POLN: variants seen among roughly 807,000 people sequenced by gnomAD.
POLN encodes DNA polymerase N.
In POLN, 108 loss-of-function variants were observed where a neutral mutation model predicts 113.5. That is an observed-to-expected ratio of 0.95 (90% CI 0.81 to 1.12). The LOEUF is 1.12. Ranked by LOEUF, POLN falls within the 50% of genes most tolerant of loss-of-function variation. POLN has a pLI of 0.00. For synonymous variants in POLN, 386 were observed against 391.5 expected (o/e 0.99, Z 0.17); for missense variants, 1,097 against 1,077.1 (o/e 1.02, Z -0.26).
intron 13 of POLN, among the ~76,000 whole-genome samples, chr4:2,161,299 G>A (rs899602632): frequency 8.5e-5 from 13 of 152,204 alleles, no homozygotes; most frequent in Admixed American, 7.9e-4. Flanking sequence ...CCGGGGCTGC[G>A]CGGGGCGCTT....
chr4:2,162,070 G>C (rs1046499733), intron 13 of POLN, among the ~76,000 whole-genome samples: 2 of 152,158 alleles, frequency 1.3e-5, no homozygotes, highest in Non-Finnish European at 2.9e-5. Context: ...CCAGATAAGA[G>C]AATAAAAGCA....
chr4:2,096,776 T>TGTTTTGTG (rs1730807720), intron 19 of POLN, among the ~76,000 whole-genome samples: 1 of 152,016 alleles, frequency 6.6e-6, no homozygotes, highest in South Asian at 2.1e-4. Flanking sequence ...TCTCCCAATC[T>TGTTTTGTG]GTTTTGTGGA....
At chr4:2,087,286 A>T (rs1432708696) in intron 20 of POLN, among the ~76,000 whole-genome samples, 1 of 152,236 alleles carries the variant, frequency 6.6e-6, no homozygotes, top group Non-Finnish European at 1.5e-5. Flanking sequence ...GTTTTGCTAC[A>T]CTTTGCTGAA....
intron 5 of POLN, 77 bp from the exon 6 acceptor site, chr4:2,198,794 A>G: frequency 1.5e-6 from 2 of 1,346,772 alleles, no homozygotes; most frequent in Non-Finnish European, 2.0e-6. Context: ...AAAATTAAGC[A>G]GAGAGAAAGA....
intron 16 of POLN, among the ~76,000 whole-genome samples, chr4:2,134,151 G>A (rs10005947): frequency 0.011 from 1,684 of 152,258 alleles, 33 homozygotes; most frequent in African/African-American, 0.038. Flanking sequence ...TTGGCAATAT[G>A]AATTTAAGAT....
At chr4:2,200,874 T>C (rs1733692883) in intron 5 of POLN, among the ~76,000 whole-genome samples, 1 of 152,074 alleles carries the variant, frequency 6.6e-6, no homozygotes, top group African/African-American at 2.4e-5. Flanking sequence ...AAATCCCTGA[T>C]TTACCTGAAA....
At chr4:2,191,474 G>A (rs1733438393) in intron 7 of POLN, among the ~76,000 whole-genome samples, 1 of 152,100 alleles carries the variant, frequency 6.6e-6, no homozygotes, top group Non-Finnish European at 1.5e-5. Flanking sequence ...TTTCAAAATA[G>A]CTAGTAAAGG....
chr4:2,102,010 A>G (rs1321861000), intron 19 of POLN, among the ~76,000 whole-genome samples: 1 of 152,086 alleles, frequency 6.6e-6, no homozygotes, highest in African/African-American at 2.4e-5. Flanking sequence ...GGGGTGTGAG[A>G]GGGACACAAG....
At chr4:2,210,522 A>G (rs1490670813) in intron 4 of POLN, among the ~76,000 whole-genome samples, 3 of 151,138 alleles carry the variant, frequency 2.0e-5, no homozygotes, top group African/African-American at 7.3e-5. Flanking sequence ...TCAAGGCTAC[A>G]GTGAGCCGTG....
At position 2,229,218 on chromosome 4, in the gene POLN, T is replaced by C; in HGVS notation, c.14A>G (p.Glu5Gly). The change falls in exon 3 of 26, where the codon GAG (glutamate) becomes GGG (glycine). Residue 5 changes from glutamate to glycine, a missense_variant. Physicochemically the swap from Glu to Gly is moderately conservative, Grantham distance 98. Transcript: ENST00000511885. ...ACAGAGATCAAAGCCTACCAATGCC[T>C]CATAATTTTCCATTTTCACAAAATC... MENY[E>G]ALVGFDLCNT... The C allele has an allele frequency of 6.3e-7, 1 of 1,598,428 alleles. No individual in the cohort carries two copies. The highest frequency in any genetic ancestry group is 8.5e-7 in the Non-Finnish European group (1 of 1,173,540).
intron 19 of POLN, among the ~76,000 whole-genome samples, chr4:2,111,664 C>A (rs1286853135): frequency 1.3e-5 from 2 of 152,122 alleles, no homozygotes; most frequent in African/African-American, 2.4e-5. Context: ...AACAAAATAC[C>A]TAGGAATCCA....
chr4:2,225,803 C>A (rs891583593), intron 3 of POLN, among the ~76,000 whole-genome samples: 1 of 151,830 alleles, frequency 6.6e-6, no homozygotes, highest in African/African-American at 2.4e-5. Flanking sequence ...GAGTTTGAGA[C>A]CAGCCTGGGC....
chr4:2,082,742 T>C (rs1467610051), intron 21 of POLN: 1 of 152,224 alleles, frequency 6.6e-6, no homozygotes, highest in Non-Finnish European at 1.5e-5. Flanking sequence ...CGAGAGATCT[T>C]CTGCTCTGAC....
At chr4:2,181,561 C>A (rs1242531198) in intron 7 of POLN, among the ~76,000 whole-genome samples, 1 of 151,366 alleles carries the variant, frequency 6.6e-6, no homozygotes, top group African/African-American at 2.4e-5. Context: ...AAAATGGATT[C>A]TGGATAAAAA....
At chr4:2,142,063 C>A (rs905777983) in intron 16 of POLN, among the ~76,000 whole-genome samples, 1 of 152,238 alleles carries the variant, frequency 6.6e-6, no homozygotes, top group African/African-American at 2.4e-5. Flanking sequence ...TCTCTTGCAT[C>A]CTCTCTACTC....
At chr4:2,220,682 C>A (rs188024784) in intron 3 of POLN, among the ~76,000 whole-genome samples, 260 of 152,320 alleles carry the variant, frequency 1.7e-3, no homozygotes, top group Non-Finnish European at 3.1e-3. Context: ...CTGGTAGCTA[C>A]TCCTGCTAGT....
chr4:2,081,666 C>T lies in POLN; in HGVS notation c.2275G>A (p.Ala759Thr). ...ACGAAGTTCACTGCCTGTCGCTCTG[C>T]TTGTGCCCGGAGTTGCTGGTCATGA... ...HAHDQQLRAQAERQAVNFVVQ... is the reference protein window; with the variant it reads ...HAHDQQLRAQTERQAVNFVVQ... The change falls in exon 22 of 26, where the codon GCA becomes ACA. Residue 759 changes from alanine (A) to threonine (T), a missense_variant. By Grantham distance (58) the Ala-to-Thr change is moderately conservative. Coordinates refer to ENST00000511885, the MANE Select transcript of POLN (RefSeq NM_181808.4). The T allele has an allele frequency of 1.2e-6, 2 of 1,614,228 alleles. No homozygotes were observed. Among genetic ancestry groups the T allele is most frequent in the Non-Finnish European group, 1.7e-6 (2 of 1,180,038 alleles).
chr4:2,183,487 T>C (rs1577749119), intron 7 of POLN, among the ~76,000 whole-genome samples: 1 of 152,220 alleles, frequency 6.6e-6, no homozygotes, highest in African/African-American at 2.4e-5. Context: ...ACAACTTGAA[T>C]GAACCTTTAA....
chr4:2,170,969 G>A (rs1168244251), intron 12 of POLN, 129 bp downstream of exon 12: 2 of 925,764 alleles, frequency 2.2e-6, no homozygotes, highest in Non-Finnish European at 1.6e-6. Context: ...TTCATTACTT[G>A]TGAGAGAACA....
Sources: allele counts gnomAD v4.1 joint callset (sites outside exome capture counted in the v4.1 genomes callset), GRCh38; gene constraint gnomAD v4.1.1; transcripts MANE v1.5; gene names NCBI Gene and HGNC (gene_info 2026-07-23, HGNC 2026-07-21).